Variants in GRK5 observed in about 807,000 individuals in gnomAD.
The protein encoded by GRK5 is G protein-coupled receptor kinase 5.
Under a neutral mutation model 78.4 loss-of-function variants are expected in GRK5, and 40 were observed. The ratio of observed to expected loss-of-function variants is 0.51; its 90% CI spans 0.40 to 0.66. The LOEUF (loss-of-function observed/expected upper bound fraction) is 0.66. Among genes scored for constraint, GRK5 ranks in the 30% least tolerant of loss-of-function variants. The pLI is 0.00. For missense variants in GRK5, 598 were observed against 759.9 expected, an observed-to-expected ratio of 0.79 and a Z score of 2.50; for synonymous variants, 289 against 296.8, an observed-to-expected ratio of 0.97 and a Z score of 0.27.
rs796670733 is a variant in GRK5 at position 119,427,568 on chromosome 10, A to C, written c.533+2483A>C. ...CACCATCCTCAGTATCACCGCCATCATCAGCATCACCACCATCATCAGCAT... is the reference window on the plus strand; with the variant it reads ...CACCATCCTCAGTATCACCGCCATCCTCAGCATCACCACCATCATCAGCAT... On this transcript the variant is annotated intron_variant, in intron 6 of 15. Coordinates refer to ENST00000392870, the MANE Select transcript of GRK5 (RefSeq NM_005308.3). Among the ~76,000 whole-genome samples the C allele has an allele frequency of 1.3e-4, 20 of 150,522 alleles. 1 individual carries two copies. In the South Asian group the frequency reaches 1.5e-3, roughly 11 times the overall value.
At chr10:119,235,142 ATT>A (rs1439984876) in intron 1 of GRK5, among the ~76,000 whole-genome samples, 2 of 144,542 alleles carry the variant, frequency 1.4e-5, no homozygotes, top group Non-Finnish European at 3.0e-5. Flanking sequence ...GGACTGGCTA[ATT>A]TTTTTTTATT....
intron 3 of GRK5, among the ~76,000 whole-genome samples, chr10:119,394,277 TGTGTGTGG>T (rs2133848549): frequency 2.4e-5 from 1 of 41,702 alleles, no homozygotes; most frequent in South Asian, 8.6e-4. Flanking sequence ...TGTGTGGGCG[TGTGTGTGG>T]GTGTGTATCT....
At chr10:119,356,448 T>C (rs967258166) in intron 2 of GRK5, among the ~76,000 whole-genome samples, 3 of 152,194 alleles carry the variant, frequency 2.0e-5, no homozygotes, top group African/African-American at 7.2e-5. Flanking sequence ...TCCCAGAATT[T>C]TATGTTTTTA....
In GRK5 at chr10:119,251,688, G is replaced by T. The variant is rs543737289; in HGVS notation, c.52+43719G>T. The stretch of plus-strand genomic sequence containing the variant: ...TCTAGCATCTACACACCTAAAGCAG[G>T]GTTTGTCAACCTTGACACCGTTGCC... On this transcript the variant is annotated intron_variant, in intron 1 of 15. Coordinates refer to ENST00000392870, the MANE Select transcript of GRK5 (RefSeq NM_005308.3). 4.6e-5 allele frequency among the ~76,000 whole-genome samples: 7 copies of T among 152,326 alleles called. 2 individuals carry two copies. In the South Asian group the frequency reaches 1.5e-3, roughly 32 times the overall value.
rs984783949 is a variant in GRK5 at position 119,395,884 on chromosome 10, G to A, written c.262-811G>A. Among the ~76,000 whole-genome samples the A allele has an allele frequency of 3.3e-5, 5 of 152,100 alleles. No homozygotes were observed. The South Asian group carries it at 6.2e-4, about 19-fold the overall frequency. ...CCTATGCAAGTCCCTTCCCACCGCC[G>A]GCCCTCGGGATCTCCACCTACAGAC... On this transcript the variant is annotated intron_variant, in intron 3 of 15. Coordinates refer to ENST00000392870, the MANE Select transcript of GRK5 (RefSeq NM_005308.3).
intron 1 of GRK5, among the ~76,000 whole-genome samples, chr10:119,282,621 T>TG (rs1589720381): frequency 6.6e-6 from 1 of 152,134 alleles, no homozygotes; most frequent in African/African-American, 2.4e-5. Flanking sequence ...CAAGGCCCCC[T>TG]GTGGGTCCAG....
chr10:119,359,476 T>C (rs1420836426), intron 2 of GRK5, among the ~76,000 whole-genome samples: 2 of 152,048 alleles, frequency 1.3e-5, no homozygotes, highest in Non-Finnish European at 2.9e-5. Context: ...TGGAAGGGAA[T>C]GGGATCCCAG....
chr10:119,379,671 C>T lies in GRK5; in HGVS notation c.149-1144C>T, dbSNP rs985222701. 1.3e-5 allele frequency among the ~76,000 whole-genome samples: 2 copies of T among 152,172 alleles called. No individual in the cohort carries two copies. Among genetic ancestry groups the T allele is most frequent in the African/African-American group, 4.8e-5 (2 of 41,436 alleles). On this transcript the variant is annotated intron_variant, in intron 2 of 15. Coordinates refer to ENST00000392870, the MANE Select transcript of GRK5 (RefSeq NM_005308.3). The surrounding 1 kb of genome is among the most constrained non-coding windows in gnomAD (Gnocchi z 4.1). ...CCCGTGCAGCTGCAACATCGATGGC[C>T]TAGTGTTCCGTGCTCCAGAGAGCCT...
intron 1 of GRK5, among the ~76,000 whole-genome samples, chr10:119,234,457 A>G (rs1848884643): frequency 6.6e-6 from 1 of 152,258 alleles, no homozygotes; most frequent in Non-Finnish European, 1.5e-5. Flanking sequence ...GCTGAGGCAC[A>G]GAAGACTTAG....
chr10:119,348,266 T>C (rs543583748), intron 2 of GRK5, among the ~76,000 whole-genome samples: 1 of 152,236 alleles, frequency 6.6e-6, no homozygotes, highest in South Asian at 2.1e-4. Flanking sequence ...TCATCTGATG[T>C]CATCGGGGGA....
At chr10:119,292,375 G>A (rs1849998266) in intron 1 of GRK5, among the ~76,000 whole-genome samples, 1 of 151,324 alleles carries the variant, frequency 6.6e-6, no homozygotes, top group African/African-American at 2.4e-5. Flanking sequence ...AACACATGGT[G>A]CCTCGGCTTC....
chr10:119,291,576 CTCCTCCTCT>C (rs1849957863), intron 1 of GRK5, among the ~76,000 whole-genome samples: 1 of 148,398 alleles, frequency 6.7e-6, no homozygotes, highest in Non-Finnish European at 1.5e-5. Flanking sequence ...CCTCTTCCTC[CTCCTCCTCT>C]TCCTCCTCCT....
chr10:119,359,246 C>T (rs1189764494), intron 2 of GRK5, among the ~76,000 whole-genome samples: 2 of 152,140 alleles, frequency 1.3e-5, no homozygotes, highest in Non-Finnish European at 2.9e-5. Flanking sequence ...TGTGTGTACA[C>T]ACGAGAGGGC....
chr10:119,211,481 A>G (rs1332130340), intron 1 of GRK5: 4 of 152,116 alleles, frequency 2.6e-5, no homozygotes, highest in Non-Finnish European at 5.9e-5. Flanking sequence ...CATCTTCTAG[A>G]TCTGTTGCCT....
At position 119,426,761 on chromosome 10, in the gene GRK5, T is replaced by G. The variant is rs1428359461; in HGVS notation, c.533+1676T>G. On this transcript the variant is annotated intron_variant, in intron 6 of 15. Coordinates refer to ENST00000392870, the MANE Select transcript of GRK5 (RefSeq NM_005308.3). ...ATCACCGCCATCATCAGTATCACCATCATCATCAGTATACCGCCATCAACA... is the reference window on the plus strand; with the variant it reads ...ATCACCGCCATCATCAGTATCACCAGCATCATCAGTATACCGCCATCAACA... 2.7e-5 allele frequency among the ~76,000 whole-genome samples: 4 copies of G among 147,030 alleles called. No individual in the cohort carries two copies. In the East Asian group the frequency reaches 8.5e-4, roughly 31 times the overall value.
chr10:119,378,827 C>A lies in GRK5; in HGVS notation c.149-1988C>A, dbSNP rs1167327205. Among the ~76,000 whole-genome samples, 1 of 152,260 alleles carries A rather than the reference C, an allele frequency of 6.6e-6. No individual in the cohort carries two copies. The highest frequency in any genetic ancestry group is 2.4e-5 in the African/African-American group (1 of 41,472). The stretch of plus-strand genomic sequence containing the variant: ...CCCTGGGAGGACTCCGGGGCCCCCA[C>A]GGATCACAGGCCCTGACCTGATTGG... On this transcript the variant is annotated intron_variant, in intron 2 of 15. Coordinates refer to ENST00000392870, the MANE Select transcript of GRK5 (RefSeq NM_005308.3). This position sits in a 1 kb window ranked among gnomAD's most constrained non-coding sequence, Gnocchi z 4.5.
chr10:119,280,138 T>C (rs1004844807), intron 1 of GRK5, among the ~76,000 whole-genome samples: 2 of 152,062 alleles, frequency 1.3e-5, no homozygotes, highest in African/African-American at 4.8e-5. Context: ...AGTACCCTTA[T>C]CTCTGGAGGC....
Position 119,419,711 on chromosome 10 carries a change from C to T in GRK5, c.340-3455C>T, listed in dbSNP as rs536709275. Among the ~76,000 whole-genome samples the T allele has an allele frequency of 6.6e-5, 10 of 152,370 alleles. No individual in the cohort carries two copies. The East Asian group carries it at 1.7e-3, about 26-fold the overall frequency. On this transcript the variant is annotated intron_variant, in intron 4 of 15. Coordinates refer to ENST00000392870, the MANE Select transcript of GRK5 (RefSeq NM_005308.3). ...CCTCTAGACCCTGGACAATCCCCTT[C>T]TCCCATCTGCTGAGAAGGGAGTTCA...
chr10:119,445,692 C>T lies in GRK5; in HGVS notation c.1266+1940C>T, dbSNP rs1327010755. ...CTTCACGCCCTTGACTGCAGCATCT[C>T]CGGCATCTAGGCCTACCTTGTCCCC... On this transcript the variant is annotated intron_variant, in intron 12 of 15. Transcript: ENST00000392870. The surrounding 1 kb of genome is among the most constrained non-coding windows in gnomAD (Gnocchi z 4.1). 1.3e-5 allele frequency among the ~76,000 whole-genome samples: 2 copies of T among 152,200 alleles called. No homozygotes were observed. Among genetic ancestry groups the T allele is most frequent in the African/African-American group, 2.4e-5 (1 of 41,454 alleles).
Sources: gnomAD v4.1 joint callset for allele counts (sites outside exome capture counted in the v4.1 genomes callset) on GRCh38, gnomAD v4.1.1 for gene constraint, Gnocchi (gnomAD v3.1) non-coding constraint, MANE v1.5 for transcripts, NCBI Gene and HGNC (gene_info 2026-07-23, HGNC 2026-07-21) for gene names.